VAC14: variants seen among roughly 807,000 people sequenced by gnomAD.
VAC14 encodes the protein VAC14 component of PIKFYVE complex, also known as protein VAC14 homolog.
A neutral mutation model predicts 85.3 loss-of-function variants in VAC14; 47 were observed. The observed-to-expected ratio is 0.55, with a 90% CI of 0.44 to 0.70. The LOEUF (loss-of-function observed/expected upper bound fraction) is 0.70. Among genes scored for constraint, VAC14 ranks in the 30% least tolerant of loss-of-function variants. The probability of loss-of-function intolerance (pLI) is 0.00; values close to 1 mark genes in which losing one functional copy is unlikely to be tolerated. For missense variants in VAC14, 861 were observed against 1,004.3 expected, an observed-to-expected ratio of 0.86 and a Z score of 1.93; for synonymous variants, 447 against 430.5, an observed-to-expected ratio of 1.04 and a Z score of -0.47.
At chr16:70,746,835 C>A (rs376017489) in intron 12 of VAC14, among the ~76,000 whole-genome samples, 3 of 151,976 alleles carry the variant, frequency 2.0e-5, no homozygotes, top group African/African-American at 7.2e-5. Flanking sequence ...CCAAGCACGG[C>A]CAGGGAGGGG....
At chr16:70,782,866 C>T (rs2033877451) in intron 7 of VAC14, among the ~76,000 whole-genome samples, 167 bp downstream of exon 7, 1 of 152,212 alleles carries the variant, frequency 6.6e-6, no homozygotes, top group East Asian at 1.9e-4. Context: ...CTCTGTGAGA[C>T]CCAGCACTCC....
chr16:70,743,814 C>T (rs2030596591), intron 13 of VAC14, among the ~76,000 whole-genome samples: 1 of 152,208 alleles, frequency 6.6e-6, no homozygotes, highest in African/African-American at 2.4e-5. Flanking sequence ...CCAAACGTGT[C>T]CTCAGGCATT....
intron 13 of VAC14, among the ~76,000 whole-genome samples, chr16:70,739,403 G>A (rs533598081): frequency 5.9e-5 from 9 of 152,354 alleles, no homozygotes; most frequent in Non-Finnish European, 1.0e-4. Context: ...AGGCATTGCC[G>A]TGGCCTGAGG....
At chr16:70,749,513 C>A (rs190828379) in intron 12 of VAC14, among the ~76,000 whole-genome samples, 66 of 152,386 alleles carry the variant, frequency 4.3e-4, no homozygotes, top group Admixed American at 1.5e-3. Context: ...TCCCCAGAGG[C>A]TGGCAAAAAG....
intron 18 of VAC14, 68 bp from the exon 19 acceptor site, chr16:70,688,158 A>G (rs1347665945): frequency 1.4e-6 from 2 of 1,413,244 alleles, no homozygotes; most frequent in East Asian, 5.4e-5. Flanking sequence ...GCTGGAGGGC[A>G]GTGGGGTCAG....
intron 10 of VAC14, chr16:70,768,685 C>T (rs563862822): frequency 5.3e-6 from 2 of 380,376 alleles, no homozygotes; most frequent in African/African-American, 4.3e-5. Context: ...TCAGTTAATT[C>T]TCCCTGTGTT....
At chr16:70,724,881 C>A (rs749879650) in intron 14 of VAC14, among the ~76,000 whole-genome samples, 3 of 152,232 alleles carry the variant, frequency 2.0e-5, no homozygotes, top group Non-Finnish European at 4.4e-5. Flanking sequence ...CCAATCGATA[C>A]GGCTACGGAC....
intron 10 of VAC14, 76 bp downstream of exon 10, chr16:70,772,033 C>T: frequency 7.1e-7 from 1 of 1,408,716 alleles, no homozygotes; most frequent in South Asian, 1.2e-5. Context: ...TGGGTCATTG[C>T]TGTAGTCTCC....
chr16:70,687,957 C>A lies in VAC14; in HGVS notation c.2320G>T (p.Asp774Tyr), dbSNP rs1479564406. The change falls in exon 19 of 19, where the codon GAC becomes TAC. Residue 774 changes from aspartate (D) to tyrosine (Y), a missense_variant. Around this residue, in one of 3 missense-constraint regions of VAC14, gnomAD observed 163 missense variants for 162.2 expected, o/e 1.00. Coordinates refer to ENST00000261776, the MANE Select transcript of VAC14 (RefSeq NM_018052.5). The stretch of plus-strand genomic sequence containing the variant: ...AGGACAACCCTCCGGTCCAGGTGGT[C>A]CCCACGCCCGCTCCGCTGGTGCCGC... ...EVRHQRSGRG[D>Y]HLDRRVVL The A allele has an allele frequency of 2.5e-6, 4 of 1,583,350 alleles. No homozygotes were observed. The highest frequency in any genetic ancestry group is 3.4e-6 in the Non-Finnish European group (4 of 1,162,446).
chr16:70,700,703 C>T (rs1567524057), intron 14 of VAC14, among the ~76,000 whole-genome samples: 1 of 152,204 alleles, frequency 6.6e-6, no homozygotes, highest in Non-Finnish European at 1.5e-5. Context: ...TGCTTCCTGG[C>T]CCCTCCCGGT....
chr16:70,724,120 G>C (rs963892152), intron 14 of VAC14, among the ~76,000 whole-genome samples: 4 of 152,106 alleles, frequency 2.6e-5, no homozygotes, highest in African/African-American at 9.7e-5. Context: ...TAGGCACACT[G>C]TGCAGGGCTC....
intron 6 of VAC14, 77 bp from the exon 7 acceptor site, chr16:70,783,216 G>T: frequency 6.7e-7 from 1 of 1,484,562 alleles, no homozygotes; most frequent in Non-Finnish European, 9.2e-7. Flanking sequence ...CCCCATTTCC[G>T]TGCTGGGTCA....
intron 14 of VAC14, among the ~76,000 whole-genome samples, chr16:70,707,340 G>A (rs1251776060): frequency 2.6e-5 from 4 of 152,234 alleles, no homozygotes; most frequent in Non-Finnish European, 4.4e-5. Flanking sequence ...GTTTCTTGCA[G>A]GGAGTGGGGT....
chr16:70,798,387 GT>G (rs2034635483), intron 1 of VAC14, among the ~76,000 whole-genome samples: 1 of 152,194 alleles, frequency 6.6e-6, no homozygotes, highest in Non-Finnish European at 1.5e-5. Context: ...AATAGTCTGT[GT>G]TTGCTGAGGG....
At chr16:70,733,738 T>C (rs2054664272) in intron 13 of VAC14, among the ~76,000 whole-genome samples, 3 of 152,152 alleles carry the variant, frequency 2.0e-5, no homozygotes, top group Non-Finnish European at 4.4e-5. Context: ...ACCAAGCAGA[T>C]GCTAACACCA....
chr16:70,700,903 C>T (rs974209942), intron 14 of VAC14, among the ~76,000 whole-genome samples: 4 of 152,182 alleles, frequency 2.6e-5, no homozygotes, highest in South Asian at 2.1e-4. Flanking sequence ...GGATCCAGGC[C>T]GGCAGGCGGG....
Position 70,698,778 on chromosome 16 carries a change from G to A in VAC14, c.1695C>T (p.Ile565=), listed in dbSNP as rs909369009. 1.9e-6 allele frequency: 3 copies of A among 1,614,028 alleles called. No individual in the cohort carries two copies. The highest frequency in any genetic ancestry group is 1.7e-6 in the Non-Finnish European group (2 of 1,180,032). The change falls in exon 15 of 19, where the codon ATC becomes ATT. Residue 565 remains isoleucine (I), a synonymous_variant. Transcript: ENST00000261776. ...QLCLLLNAEN[I]FHSMADILLR... Reference sequence around the variant, plus strand: ...GCAGGATGTCTGCCATTGAGTGGAAGATGTTCTCCGCATTCAGCAGGAGGC... The same window carrying A: ...GCAGGATGTCTGCCATTGAGTGGAAAATGTTCTCCGCATTCAGCAGGAGGC...
chr16:70,789,526 A>G (rs1567609979), intron 1 of VAC14, among the ~76,000 whole-genome samples: 2 of 152,222 alleles, frequency 1.3e-5, no homozygotes, highest in Non-Finnish European at 2.9e-5. Context: ...GTTCAGTGGT[A>G]GAATTCTCGC....
At chr16:70,730,438 G>A (rs2054556074) in intron 14 of VAC14, among the ~76,000 whole-genome samples, 1 of 151,808 alleles carries the variant, frequency 6.6e-6, no homozygotes, top group Non-Finnish European at 1.5e-5. Flanking sequence ...TTGCCTTGAA[G>A]CCCCATACAG....
Sources: gnomAD v4.1 joint callset for allele counts (sites outside exome capture counted in the v4.1 genomes callset) on GRCh38, gnomAD v4.1.1 for gene constraint, gnomAD v4.1.1 regional missense constraint, MANE v1.5 for transcripts, NCBI Gene and HGNC (gene_info 2026-07-23, HGNC 2026-07-21) for gene names.